The following DCK variants were observed in gnomAD, a reference collection of about 807,000 sequenced individuals.
The protein encoded by DCK is deoxycytidine kinase.
In DCK, 23 loss-of-function variants were observed where a neutral mutation model predicts 38.3. The observed-to-expected ratio is 0.60, with a 90% CI of 0.43 to 0.85. The LOEUF (loss-of-function observed/expected upper bound fraction) is 0.85. Ranked by LOEUF, DCK falls within the 40% of genes least tolerant of loss-of-function variation. The pLI, the probability that DCK is intolerant of heterozygous loss-of-function variation, is 0.00. For synonymous variants in DCK, 108 were observed against 100.6 expected, an observed-to-expected ratio of 1.07 and a Z score of -0.44; for missense variants, 259 against 304.4, an observed-to-expected ratio of 0.85 and a Z score of 1.11.
intron 2 of DCK, among the ~76,000 whole-genome samples, chr4:71,006,097 T>A (rs1263223345): frequency 1.0e-5 from 1 of 98,364 alleles, no homozygotes; most frequent in Admixed American, 1.6e-4. Flanking sequence ...TTGCACTCCA[T>A]CTCAAAAAAA....
At chr4:71,026,963 C>T (rs1340665331) in intron 6 of DCK, among the ~76,000 whole-genome samples, 1 of 151,860 alleles carries the variant, frequency 6.6e-6, no homozygotes, top group Non-Finnish European at 1.5e-5. Context: ...CCTTCGGAAT[C>T]TCAGAATCTG....
At chr4:71,002,264 T>C (rs1405470640) in intron 2 of DCK, among the ~76,000 whole-genome samples, 1 of 152,240 alleles carries the variant, frequency 6.6e-6, no homozygotes, top group Non-Finnish European at 1.5e-5. Context: ...AGTTTCCATG[T>C]AGTTGTGCAG....
rs530848647 is a variant in DCK at position 71,030,569 on chromosome 4, A to G, written c.*1191A>G. On this transcript the variant is annotated 3_prime_UTR_variant, in exon 7 of 7. Transcript: ENST00000286648. ...ATTACCATACATAAACTGTCTCATT[A>G]TACGTATGCATTTTTTTAGTTTGTT... 1.3e-5 allele frequency: 2 copies of G among 152,228 alleles called. No individual in the cohort carries two copies. Among genetic ancestry groups the G allele is most frequent in the South Asian group, 2.1e-4 (1 of 4,824 alleles). 9.4% of individuals were successfully genotyped at this position (152,228 alleles called of 1,614,324 possible). A position where few individuals can be genotyped will look rare whatever the true frequency, so the allele number is the denominator to read the frequency against.
chr4:71,029,487 G>T lies in DCK; in HGVS notation c.*109G>T. 5.1e-6 allele frequency: 4 copies of T among 782,622 alleles called. No individual in the cohort carries two copies. Among genetic ancestry groups the T allele is most frequent in the South Asian group, 1.7e-5 (1 of 57,750 alleles). 48.5% of individuals were successfully genotyped at this position (782,622 alleles called of 1,614,324 possible). A position where few individuals can be genotyped will look rare whatever the true frequency, so the allele number is the denominator to read the frequency against. ...CTTTAGAAAACCCAAGTTTTTAATC[G>T]TTTTTGTTTTAAGGAAAAAAGATTT... On this transcript the variant is annotated 3_prime_UTR_variant, in exon 7 of 7. Transcript: ENST00000286648.
chr4:71,028,989 G>T (rs185000119), intron 6 of DCK, among the ~76,000 whole-genome samples: 1 of 151,976 alleles, frequency 6.6e-6, no homozygotes, highest in African/African-American at 2.4e-5. Flanking sequence ...ACTCCTGACC[G>T]CAGGTGATCT....
At chr4:71,007,921 TTTGCCATGTTACCCAGGCTGG>T (rs1739989407) in intron 2 of DCK, among the ~76,000 whole-genome samples, 1 of 152,112 alleles carries the variant, frequency 6.6e-6, no homozygotes, top group Admixed American at 6.5e-5. Context: ...GAGACGGGGT[TTTGCCATGTTACCCAGGCTGG>T]TTTCAAACTC....
rs1740444275 is a variant in DCK at position 71,022,304 on chromosome 4, A to G, written c.208-63A>G. 3 of 904,070 alleles carry G rather than the reference A, an allele frequency of 3.3e-6. No individual in the cohort carries two copies. The Admixed American group carries it at 8.8e-5, about 26-fold the overall frequency. 56.0% of individuals were successfully genotyped at this position (904,070 alleles called of 1,614,324 possible). On this transcript the variant is annotated intron_variant, in intron 2 of 6. Coordinates refer to ENST00000286648, the MANE Select transcript of DCK (RefSeq NM_000788.3). ...CTGACTTTTATTTTTTAGCCTTAAA[A>G]ATTAAAATAGCCCTATTGACCATTA... is the stretch of plus-strand genomic sequence containing the variant.
Position 70,998,136 on chromosome 4 carries a change from C to T in DCK, c.161C>T (p.Pro54Leu). The stretch of plus-strand genomic sequence containing the variant: ...GAAGATTGGGAAGTGGTTCCTGAAC[C>T]TGTTGCCAGATGGTGCAATGTTCAA... ...LCEDWEVVPE[P>L]VARWCNVQST... is the part of the protein sequence containing the mutation. The change falls in exon 2 of 7, where the codon CCT (proline) becomes CTT (leucine). Residue 54 changes from proline to leucine, a missense_variant. By Grantham distance (98) the Pro-to-Leu change is moderately conservative. Around this residue, in one of 3 missense-constraint regions of DCK, gnomAD observed 159 missense variants for 159.0 expected, o/e 1.00. Coordinates refer to ENST00000286648, the MANE Select transcript of DCK (RefSeq NM_000788.3). 8.7e-6 allele frequency: 14 copies of T among 1,607,984 alleles called. No individual in the cohort carries two copies. The highest frequency in any genetic ancestry group is 1.2e-5 in the Non-Finnish European group (14 of 1,176,100).
intron 2 of DCK, among the ~76,000 whole-genome samples, chr4:71,013,779 C>T (rs1740165969): frequency 6.6e-6 from 1 of 152,176 alleles, no homozygotes; most frequent in Non-Finnish European, 1.5e-5. Context: ...TAGAAAGGAA[C>T]AAGCGGTACC....
chr4:71,029,452 A>G lies in DCK; in HGVS notation c.*74A>G, dbSNP rs542854224. The G allele has an allele frequency of 1.4e-5, 15 of 1,107,708 alleles. No homozygotes were observed. The African/African-American group carries it at 2.2e-4, about 16-fold the overall frequency. The allele number at this position is 1,107,708 out of a possible 1,614,324, so 68.6% of individuals were successfully genotyped here. On this transcript the variant is annotated 3_prime_UTR_variant, in exon 7 of 7. Transcript: ENST00000286648. Reference sequence around the variant, plus strand: ...TGTGTATCTTCGTAACTTCATATTAATATAAGTTTCTTTAGAAAACCCAAG... The same window carrying G: ...TGTGTATCTTCGTAACTTCATATTAGTATAAGTTTCTTTAGAAAACCCAAG...
At chr4:71,020,696 T>C (rs1645812914) in intron 2 of DCK, among the ~76,000 whole-genome samples, 1 of 149,292 alleles carries the variant, frequency 6.7e-6, no homozygotes, top group Non-Finnish European at 1.5e-5. Context: ...TGACTAGAGT[T>C]TTGTTTGTTT....
At chr4:71,009,167 C>A (rs568379106) in intron 2 of DCK, among the ~76,000 whole-genome samples, 10 of 152,278 alleles carry the variant, frequency 6.6e-5, no homozygotes, top group Middle Eastern at 3.4e-3. Context: ...TTTGTACACA[C>A]AAGAAAGAAT....
rs754730723 is a variant in DCK, at chr4:71,026,708, G to C, written c.709G>C (p.Asp237His). The C allele has an allele frequency of 1.9e-6, 3 of 1,584,238 alleles. No individual in the cohort carries two copies. Among genetic ancestry groups the C allele is most frequent in the South Asian group, 1.1e-5 (1 of 88,830 alleles). The part of the protein sequence containing the change: ...YLQEVPILTL[D>H]VNEDFKDKYE... ...TCAAGAGGTGCCTATCTTAACACTG[G>C]ATGTTAATGAAGACTTTAAAGACAA... Residue 237 changes from aspartate (D) to histidine (H), a missense_variant, in exon 6 of 7, where the codon GAT becomes CAT. By Grantham distance (81) the Asp-to-His change is moderately conservative. Around this residue, in one of 3 missense-constraint regions of DCK, gnomAD observed 82 missense variants for 103.8 expected, o/e 0.79. Transcript: ENST00000286648.
At chr4:71,024,986 G>T (rs1291931061) in intron 4 of DCK, among the ~76,000 whole-genome samples, 3 of 151,976 alleles carry the variant, frequency 2.0e-5, no homozygotes, top group Admixed American at 6.6e-5. Flanking sequence ...TGGATGAAAG[G>T]ATTGTTTAAT....
intron 2 of DCK, among the ~76,000 whole-genome samples, chr4:71,009,768 AG>A (rs935026049): frequency 6.6e-6 from 1 of 151,992 alleles, no homozygotes; most frequent in Admixed American, 6.6e-5. Context: ...TTCTGTACAG[AG>A]GGGGTAGTAT....
rs918080568 is a variant in DCK, at chr4:71,014,883, A to C, written c.208-7484A>C. 2.6e-5 allele frequency among the ~76,000 whole-genome samples: 4 copies of C among 152,346 alleles called. No homozygotes were observed. The East Asian group carries it at 7.7e-4, about 29-fold the overall frequency. On this transcript the variant is annotated intron_variant, in intron 2 of 6. Coordinates refer to ENST00000286648, the MANE Select transcript of DCK (RefSeq NM_000788.3). ...GAACTAGAGAAGCAAGAGTAAACAC[A>C]TTCCAAAGCTAGCAGAAGGCAAGAA...
chr4:71,024,112 CTGTTGGAGCATATAG>C (rs1376502415), intron 4 of DCK, among the ~76,000 whole-genome samples: 3 of 152,116 alleles, frequency 2.0e-5, no homozygotes, highest in African/African-American at 7.2e-5. Flanking sequence ...GTGCTGGGCA[CTGTTGGAGCATATAG>C]TAGGAGCTCA....
intron 2 of DCK, among the ~76,000 whole-genome samples, chr4:71,016,206 C>T (rs1740256727): frequency 6.6e-6 from 1 of 152,130 alleles, no homozygotes; most frequent in Admixed American, 6.5e-5. Flanking sequence ...GAATAAAATA[C>T]CTAGGAATCC....
At chr4:71,020,463 C>A (rs192121193) in intron 2 of DCK, among the ~76,000 whole-genome samples, 147 of 152,324 alleles carry the variant, frequency 9.7e-4, no homozygotes, top group African/African-American at 3.2e-3. Context: ...ATTGTTGCCT[C>A]ATTGCAGTAT....
Sources: allele counts gnomAD v4.1 joint callset (sites outside exome capture counted in the v4.1 genomes callset), GRCh38; gene constraint gnomAD v4.1.1; regional missense constraint gnomAD v4.1.1; transcripts MANE v1.5; gene names NCBI Gene and HGNC (gene_info 2026-07-23, HGNC 2026-07-21).